The following MAG variants were observed in gnomAD, a reference collection of about 807,000 sequenced individuals.
MAG encodes myelin associated glycoprotein.
MAG carries 30 observed loss-of-function variants against 60.7 expected under a neutral mutation model. The observed-to-expected ratio is 0.49, with a 90% CI of 0.37 to 0.67. The LOEUF (loss-of-function observed/expected upper bound fraction) is 0.67. Ranked by LOEUF, MAG falls within the 30% of genes least tolerant of loss-of-function variation. MAG has a pLI of 0.00. For synonymous variants in MAG, 384 were observed against 376.8 expected (o/e 1.02, Z -0.22); for missense variants, 795 against 851.7 (o/e 0.93, Z 0.83).
chr19:35,295,639 T>C lies in MAG; in HGVS notation c.73T>C (p.Trp25Arg). The C allele has an allele frequency of 6.2e-7, 1 of 1,609,526 alleles. No individual in the cohort carries two copies. Among genetic ancestry groups the C allele is most frequent in the Non-Finnish European group, 8.5e-7 (1 of 1,179,088 alleles). Residue 25 changes from tryptophan to arginine, a missense_variant, in exon 4 of 11, where the codon TGG (tryptophan) becomes CGG (arginine). By Grantham distance (101) the Trp-to-Arg change is moderately radical. Coordinates refer to ENST00000392213, the MANE Select transcript of MAG (RefSeq NM_002361.4). This position sits in a 1 kb window ranked among gnomAD's most constrained non-coding sequence, Gnocchi z 5.8. Reference protein sequence around the residue: ...SASRGGHWGAWMPSSISAFEG... With the variant: ...SASRGGHWGARMPSSISAFEG... The stretch of plus-strand genomic sequence containing the variant: ...CTCCCGAGGGGGTCACTGGGGTGCC[T>C]GGATGCCCTCGTCCATCTCGGCCTT...
At chr19:35,292,430 G>C (rs2066363440) in intron 1 of MAG, among the ~76,000 whole-genome samples, 1 of 151,938 alleles carries the variant, frequency 6.6e-6, no homozygotes, top group African/African-American at 2.4e-5. Context: ...AAAAAACAAA[G>C]GGCCCCCCCT....
At chr19:35,294,890 G>T (rs1424544592) in intron 2 of MAG, among the ~76,000 whole-genome samples, 1 of 152,118 alleles carries the variant, frequency 6.6e-6, no homozygotes, top group Non-Finnish European at 1.5e-5. Context: ...AGTTGAGTGA[G>T]CCACGATTGC....
At chr19:35,309,278 G>A (rs916426214) in intron 7 of MAG, among the ~76,000 whole-genome samples, 4 of 152,158 alleles carry the variant, frequency 2.6e-5, no homozygotes, top group Non-Finnish European at 2.9e-5. Flanking sequence ...ACCACCAGGT[G>A]ATCATCAGTC....
At chr19:35,308,195 G>A (rs766354077) in intron 7 of MAG, among the ~76,000 whole-genome samples, 2 of 152,194 alleles carry the variant, frequency 1.3e-5, no homozygotes, top group Non-Finnish European at 2.9e-5. Context: ...GCTTCCCTGG[G>A]TGGTCAGAGA....
In MAG at chr19:35,300,384, C is replaced by T. The variant is rs1472818462; in HGVS notation, c.950C>T (p.Thr317Ile). 6.3e-7 allele frequency: 1 copy of T among 1,580,620 alleles called. No individual in the cohort carries two copies. The highest frequency in any genetic ancestry group is 2.3e-5 in the East Asian group (1 of 44,362). ...AATGCCTATGGCCAGGACAACCGCA[C>T]CGTGGGGCTCAGTGTCATGTGTGAG... Reference protein sequence around the residue: ...AENAYGQDNRTVGLSVMYAPW... With the variant: ...AENAYGQDNRIVGLSVMYAPW... Residue 317 changes from threonine to isoleucine, a missense_variant, in exon 6 of 11, where the codon ACC becomes ATC. Transcript: ENST00000392213.
chr19:35,297,628 C>G (rs1243177019), intron 4 of MAG, among the ~76,000 whole-genome samples: 1 of 148,396 alleles, frequency 6.7e-6, no homozygotes, highest in African/African-American at 2.5e-5. Context: ...ACTGCACACA[C>G]TACCCACACA....
intron 6 of MAG, among the ~76,000 whole-genome samples, chr19:35,300,935 T>C (rs919328909): frequency 2.0e-5 from 3 of 152,202 alleles, no homozygotes; most frequent in Non-Finnish European, 4.4e-5. Flanking sequence ...GATTTTGCTA[T>C]GTTGCCCAGG....
intron 7 of MAG, among the ~76,000 whole-genome samples, chr19:35,306,508 G>A (rs926042225): frequency 1.3e-5 from 2 of 152,062 alleles, no homozygotes; most frequent in Admixed American, 6.6e-5. Flanking sequence ...TTTGATCATC[G>A]CTCACTGCAG....
Position 35,310,561 on chromosome 19 carries a change from G to A in MAG, c.1534G>A (p.Ala512Thr). 1.2e-6 allele frequency: 2 copies of A among 1,614,166 alleles called. No homozygotes were observed. The highest frequency in any genetic ancestry group is 1.3e-5 in the African/African-American group (1 of 75,070). ...PFQGAHRLMW[A>T]KIGPVGAVVA... ...TCTGTCCTCAGATCGACTGATGTGG[G>A]CCAAGATCGGGCCTGTGGGCGCCGT... Residue 512 changes from alanine to threonine, a missense_variant, in exon 9 of 11, where the codon GCC becomes ACC. Coordinates refer to ENST00000392213, the MANE Select transcript of MAG (RefSeq NM_002361.4).
At chr19:35,292,264 C>T in intron 1 of MAG, 60 bp downstream of exon 1, 3 of 455,928 alleles carry the variant, frequency 6.6e-6, no homozygotes, top group Non-Finnish European at 1.3e-5. Context: ...CAGTGGCACC[C>T]AGACGTGAGC....
chr19:35,308,919 G>A (rs1032232995), intron 7 of MAG, among the ~76,000 whole-genome samples: 1 of 152,166 alleles, frequency 6.6e-6, no homozygotes, highest in Admixed American at 6.5e-5. Flanking sequence ...GTGCAAATGA[G>A]CTATAGTACT....
In MAG at chr19:35,300,318, T is replaced by C. The variant is rs1466586000; in HGVS notation, c.884T>C (p.Val295Ala). 1.9e-6 allele frequency: 3 copies of C among 1,598,776 alleles called. No individual in the cohort carries two copies. The African/African-American group carries it at 4.0e-5, about 21-fold the overall frequency. ...AGCCTGCTCCTGGAGCTGGAGGAGG[T>C]GACCCCCGCCGAAGACGGCGTCTAT... Reference protein sequence around the residue: ...AESLLLELEEVTPAEDGVYAC... With the variant: ...AESLLLELEEATPAEDGVYAC... Residue 295 changes from valine (V) to alanine (A), a missense_variant, in exon 6 of 11, where the codon GTG (valine) becomes GCG (alanine). Val to Ala is a moderately conservative substitution (Grantham distance 64). Transcript: ENST00000392213.
chr19:35,299,116 A>G (rs1599649984), intron 4 of MAG, among the ~76,000 whole-genome samples: 1 of 152,270 alleles, frequency 6.6e-6, no homozygotes, highest in East Asian at 1.9e-4. Flanking sequence ...CCAAGCAGGC[A>G]TGGGAGAGGA....
At chr19:35,308,888 G>A (rs1405643558) in intron 7 of MAG, among the ~76,000 whole-genome samples, 1 of 152,180 alleles carries the variant, frequency 6.6e-6, no homozygotes, top group African/African-American at 2.4e-5. Flanking sequence ...GCTGAGGCGG[G>A]AGGATCACTA....
intron 7 of MAG, among the ~76,000 whole-genome samples, chr19:35,308,231 A>G (rs2066499250): frequency 6.6e-6 from 1 of 152,188 alleles, no homozygotes; most frequent in Non-Finnish European, 1.5e-5. Context: ...GGTAGAGGCC[A>G]GTTTGGAGCG....
In MAG at chr19:35,313,793, T is replaced by C. The variant is rs201751294; in HGVS notation, c.*339T>C. ...CTGTACAAAAGGGACATGAAATAAA[T>C]GCCCCAAAGCCAAATGCCAGTCTAG... On this transcript the variant is annotated 3_prime_UTR_variant, in exon 11 of 11. Coordinates refer to ENST00000392213, the MANE Select transcript of MAG (RefSeq NM_002361.4). 26 of 189,754 alleles carry C rather than the reference T, an allele frequency of 1.4e-4. No homozygotes were observed. In the South Asian group the frequency reaches 3.3e-3, roughly 24 times the overall value. The allele number at this position is 189,754 out of a possible 1,614,324, so 11.8% of individuals were successfully genotyped here. A position where few individuals can be genotyped will look rare whatever the true frequency, so the allele number is the denominator to read the frequency against.
chr19:35,298,178 G>A (rs189986993), intron 4 of MAG, among the ~76,000 whole-genome samples: 139 of 131,778 alleles, frequency 1.1e-3, no homozygotes, highest in African/African-American at 3.5e-3. Flanking sequence ...CACAAACCAC[G>A]CACACACTAC....
At chr19:35,301,482 A>T (rs2066448005) in intron 6 of MAG, among the ~76,000 whole-genome samples, 1 of 131,996 alleles carries the variant, frequency 7.6e-6, no homozygotes, top group Non-Finnish European at 1.5e-5. Flanking sequence ...GCCAGGCTGG[A>T]AGGCAATGGA....
Position 35,310,060 on chromosome 19 carries a change from T to A in MAG, c.1418T>A (p.Ile473Asn). The A allele has an allele frequency of 3.1e-6, 5 of 1,613,694 alleles. No individual in the cohort carries two copies. Among genetic ancestry groups the A allele is most frequent in the Non-Finnish European group, 4.2e-6 (5 of 1,179,912 alleles). The change falls in exon 8 of 11, where the codon ATC becomes AAC. Residue 473 changes from isoleucine to asparagine, a missense_variant. Transcript: ENST00000392213. The part of the protein sequence containing the change: ...SERSGLVLTS[I>N]LTLRGQAQAP... ...CGCAGCGGCCTCGTGCTCACCAGCA[T>A]CCTCACGCTGCGGGGGCAGGCCCAG...
Sources: allele counts gnomAD v4.1 joint callset (sites outside exome capture counted in the v4.1 genomes callset), GRCh38; gene constraint gnomAD v4.1.1; non-coding constraint Gnocchi (gnomAD v3.1); transcripts MANE v1.5; gene names NCBI Gene and HGNC (gene_info 2026-07-23, HGNC 2026-07-21).